Variants in AKAP19 observed in about 807,000 individuals in gnomAD.
AKAP19 encodes small A-kinase anchoring protein.
the AKAP19 span, among the ~76,000 whole-genome samples, chr2:190,047,176 G>C: frequency 1.3e-5 from 2 of 152,054 alleles, no homozygotes; most frequent in South Asian, 2.1e-4. Context: ...CACTGCCCAA[G>C]ACCCTATCTT....
the AKAP19 span, among the ~76,000 whole-genome samples, chr2:189,993,699 T>C: frequency 6.6e-6 from 1 of 152,154 alleles, no homozygotes; most frequent in African/African-American, 2.4e-5. Flanking sequence ...TTGTTATTTG[T>C]CTGTTCAGTT....
At chr2:189,992,978 T>C in the AKAP19 span, among the ~76,000 whole-genome samples, 1 of 152,206 alleles carries the variant, frequency 6.6e-6, no homozygotes, top group African/African-American at 2.4e-5. Flanking sequence ...ACAGTTTGAC[T>C]TCTTCTTTAC....
chr2:190,148,381 T>G, the AKAP19 span, among the ~76,000 whole-genome samples: 1 of 152,258 alleles, frequency 6.6e-6, no homozygotes, highest in East Asian at 1.9e-4. Flanking sequence ...GGATTATCTT[T>G]TTGATATGTT....
At chr2:189,935,269 G>A in the AKAP19 span, among the ~76,000 whole-genome samples, 1 of 151,836 alleles carries the variant, frequency 6.6e-6, no homozygotes, top group African/African-American at 2.4e-5. Flanking sequence ...AAGTCATTTG[G>A]AGTTCAGACA....
At chr2:190,103,512 TAC>T in the AKAP19 span, among the ~76,000 whole-genome samples, 1 of 152,226 alleles carries the variant, frequency 6.6e-6, no homozygotes, top group African/African-American at 2.4e-5. Context: ...AAAATCAACG[TAC>T]AAATATCAGT....
the AKAP19 span, among the ~76,000 whole-genome samples, chr2:190,127,289 A>G: frequency 2.8e-3 from 422 of 152,150 alleles, 2 homozygotes; most frequent in Middle Eastern, 0.027. Flanking sequence ...ATGCTCATAT[A>G]TCGGTGAATG....
chr2:190,147,274 T>C, the AKAP19 span, among the ~76,000 whole-genome samples: 1 of 152,210 alleles, frequency 6.6e-6, no homozygotes, highest in Non-Finnish European at 1.5e-5. Flanking sequence ...CCCTACTTTA[T>C]GTTTTTGTTT....
At chr2:190,076,557 T>C in the AKAP19 span, among the ~76,000 whole-genome samples, 1 of 152,192 alleles carries the variant, frequency 6.6e-6, no homozygotes, top group Non-Finnish European at 1.5e-5. Flanking sequence ...TCACTGGATA[T>C]GGAATTCTAT....
chr2:190,086,648 T>C, the AKAP19 span, among the ~76,000 whole-genome samples: 1 of 152,118 alleles, frequency 6.6e-6, no homozygotes, highest in Non-Finnish European at 1.5e-5. Flanking sequence ...ACCTGAACCT[T>C]CATTCCTGAA....
the AKAP19 span, among the ~76,000 whole-genome samples, chr2:190,142,725 A>G: frequency 0.91 from 138,791 of 152,290 alleles, 64,149 homozygotes; most frequent in East Asian, 1. Context: ...GAGGTCCCCA[A>G]ATGCTGGTGG....
the AKAP19 span, among the ~76,000 whole-genome samples, chr2:189,931,432 G>C: frequency 1.3e-5 from 2 of 152,130 alleles, no homozygotes; most frequent in African/African-American, 2.4e-5. Context: ...TGCGATCATA[G>C]CTCATATTAA....
the AKAP19 span, among the ~76,000 whole-genome samples, chr2:190,083,560 G>T: frequency 7.0e-6 from 1 of 142,650 alleles, no homozygotes; most frequent in African/African-American, 2.6e-5. Context: ...AAAGGAAGAC[G>T]GTGGGCTGAT....
the AKAP19 span, among the ~76,000 whole-genome samples, chr2:190,187,044 T>A: frequency 6.6e-6 from 1 of 152,272 alleles, no homozygotes; most frequent in Admixed American, 6.5e-5. Flanking sequence ...TTCACCATGT[T>A]GGCCAGGCTG....
At chr2:189,897,031 G>A in the AKAP19 span, among the ~76,000 whole-genome samples, 1 of 152,072 alleles carries the variant, frequency 6.6e-6, no homozygotes, top group African/African-American at 2.4e-5. Context: ...ATTACTAGCT[G>A]TGTTACTGTA....
the AKAP19 span, chr2:190,200,221 T>TG: frequency 8.1e-7 from 1 of 1,231,766 alleles, no homozygotes; most frequent in Non-Finnish European, 1.2e-6. Context: ...AAAACTGGTG[T>TG]GAAAAAGTAC....
chr2:190,052,626 C>G, the AKAP19 span, among the ~76,000 whole-genome samples: 1 of 151,990 alleles, frequency 6.6e-6, no homozygotes, highest in Non-Finnish European at 1.5e-5. Flanking sequence ...TGGCCCAAAC[C>G]GCATAATCAA....
At chr2:190,102,083 C>T in the AKAP19 span, among the ~76,000 whole-genome samples, 1 of 152,132 alleles carries the variant, frequency 6.6e-6, no homozygotes, top group Non-Finnish European at 1.5e-5. Context: ...AATTAAACAG[C>T]TTGCTCCTGA....
the AKAP19 span, among the ~76,000 whole-genome samples, chr2:190,151,551 T>C: frequency 6.6e-6 from 1 of 152,250 alleles, no homozygotes; most frequent in Non-Finnish European, 1.5e-5. Context: ...AGTTCCTTTT[T>C]ATGGCTGCAT....
At chr2:189,911,369 T>C in the AKAP19 span, among the ~76,000 whole-genome samples, 3 of 152,130 alleles carry the variant, frequency 2.0e-5, no homozygotes, top group African/African-American at 7.2e-5. Context: ...TTAAGATTAC[T>C]GAATTTTGAA....
Sources: allele counts gnomAD v4.1 joint callset (sites outside exome capture counted in the v4.1 genomes callset), GRCh38; gene constraint gnomAD v4.1.1; transcripts MANE v1.5; gene names NCBI Gene and HGNC (gene_info 2026-07-23, HGNC 2026-07-21).